PASK: variants seen among roughly 807,000 people sequenced by gnomAD.
PASK encodes the protein PAS domain-containing serine/threonine-protein kinase.
Under a neutral mutation model 121.0 loss-of-function variants are expected in PASK, and 110 were observed. The ratio of observed to expected loss-of-function variants is 0.91; its 90% CI spans 0.78 to 1.06. PASK has a LOEUF of 1.06. Ranked by LOEUF, PASK falls within the 50% of genes least tolerant of loss-of-function variation. The pLI is 0.00. For synonymous variants in PASK, 686 were observed against 717.8 expected (o/e 0.96, Z 0.71); for missense variants, 1,643 against 1,702.3 (o/e 0.97, Z 0.61).
At position 241,111,702 on chromosome 2, in the gene PASK, C is replaced by T. The variant is rs148336313; in HGVS notation, c.3533+538G>A. ...GCAAACTCAGCCACACACCCAAGGA[C>T]GCCGCTTCTCCCCACAGCAGAGCAG... On this transcript the variant is annotated intron_variant, in intron 15 of 17. Coordinates refer to ENST00000234040, the MANE Select transcript of PASK (RefSeq NM_015148.4). Among the ~76,000 whole-genome samples the T allele has an allele frequency of 1.5e-4, 23 of 152,154 alleles. No individual in the cohort carries two copies. The East Asian group carries it at 3.3e-3, about 22-fold the overall frequency.
chr2:241,149,888 G>C, upstream of PASK: 3 of 1,443,446 alleles, frequency 2.1e-6, no homozygotes, highest in Non-Finnish European at 2.7e-6. Flanking sequence ...GCTGGCTAGC[G>C]GCCCCACCAG....
At chr2:241,131,253 A>C (rs1330821017) in intron 9 of PASK, among the ~76,000 whole-genome samples, 1 of 150,482 alleles carries the variant, frequency 6.6e-6, no homozygotes, top group Admixed American at 6.6e-5. Context: ...GGTTCACACC[A>C]TTCTCCTGCC....
In PASK at chr2:241,110,309, G is replaced by A. The variant is rs534540138; in HGVS notation, c.3533+1931C>T. Among the ~76,000 whole-genome samples, 193 of 152,330 alleles carry A rather than the reference G, an allele frequency of 1.3e-3. 3 individuals carry two copies. The South Asian group carries it at 0.037, about 29-fold the overall frequency. On this transcript the variant is annotated intron_variant, in intron 15 of 17. Coordinates refer to ENST00000234040, the MANE Select transcript of PASK (RefSeq NM_015148.4). The stretch of plus-strand genomic sequence containing the variant: ...TGCCAGGGCCTGAGGAAGGGGAAGA[G>A]GGACCTAAGGCCACAGTCTGCCGAC...
chr2:241,107,508 A>G lies in PASK; in HGVS notation c.3668-9T>C. 6.2e-7 allele frequency: 1 copy of G among 1,613,418 alleles called. No individual in the cohort carries two copies. On this transcript the variant is annotated splice_polypyrimidine_tract_variant and intron_variant, in intron 16 of 17. Coordinates refer to ENST00000234040, the MANE Select transcript of PASK (RefSeq NM_015148.4). ...CACAAGGCTCATGAGTTCTGGGGAC[A>G]CAAAGAACACAGATGGTAGGTCCAG...
At position 241,140,768 on chromosome 2, in the gene PASK, G is replaced by A. The variant is rs1270212476; in HGVS notation, c.197-15C>T. On this transcript the variant is annotated splice_polypyrimidine_tract_variant and intron_variant, in intron 2 of 17. Transcript: ENST00000234040. Reference sequence around the variant, plus strand: ...CCATCTGTCTTCTGAAAAGAGAAGCGAAGCGAAGCTTTAGACTTCACACAG... The same window carrying A: ...CCATCTGTCTTCTGAAAAGAGAAGCAAAGCGAAGCTTTAGACTTCACACAG... 2.2e-5 allele frequency: 34 copies of A among 1,558,088 alleles called. No homozygotes were observed. The highest frequency in any genetic ancestry group is 3.3e-5 in the South Asian group (3 of 89,802).
At chr2:241,130,123 A>G (rs1050818462) in intron 9 of PASK, among the ~76,000 whole-genome samples, 1 of 152,212 alleles carries the variant, frequency 6.6e-6, no homozygotes, top group African/African-American at 2.4e-5. Context: ...GTTCTGTCTT[A>G]CTGTTTCAGC....
At chr2:241,139,772 G>A (rs2066615289) in intron 4 of PASK, 113 bp downstream of exon 4, 1 of 988,908 alleles carries the variant, frequency 1.0e-6, no homozygotes, top group Non-Finnish European at 1.6e-6. Flanking sequence ...AAGCTGAGAT[G>A]TCCTGGTGCC....
At position 241,127,379 on chromosome 2, in the gene PASK, A is replaced by G. The variant is rs772122835; in HGVS notation, c.1536T>C (p.Thr512=). ...CCACAGGTTCCTCTCTCCCCAAGGC[A>G]GTGATTTGCTGGTCCTTGGGCAGCG... The part of the protein sequence containing the change: ...EQALPKDQQI[T]ALGREEPVAI... The change falls in exon 10 of 18, where the codon ACT becomes ACC. Residue 512 remains threonine (T), a synonymous_variant. Coordinates refer to ENST00000234040, the MANE Select transcript of PASK (RefSeq NM_015148.4). The G allele has an allele frequency of 6.2e-6, 10 of 1,614,058 alleles. No homozygotes were observed. Among genetic ancestry groups the G allele is most frequent in the Admixed American group, 1.7e-5 (1 of 60,020 alleles).
In PASK at chr2:241,142,953, T is replaced by C. The variant is rs1403487526; in HGVS notation, c.80A>G (p.Glu27Gly). The change falls in exon 2 of 18, where the codon GAG becomes GGG. Residue 27 changes from glutamate to glycine, a missense_variant. Transcript: ENST00000234040. Reference sequence around the variant, plus strand: ...AGCAGTGGTCTGTGCAGCTGGGCCCTCTGCTGACACTGGCAAGGGGAGGCT... The same window carrying C: ...AGCAGTGGTCTGTGCAGCTGGGCCCCCTGCTGACACTGGCAAGGGGAGGCT... ...SQSLPLPVSAEGPAAQTTAEP... is the reference protein window; with the variant it reads ...SQSLPLPVSAGGPAAQTTAEP... 1 of 1,613,338 alleles carries C rather than the reference T, an allele frequency of 6.2e-7. No homozygotes were observed. Among genetic ancestry groups the C allele is most frequent in the Non-Finnish European group, 8.5e-7 (1 of 1,179,430 alleles).
At position 241,135,992 on chromosome 2, in the gene PASK, C is replaced by T. The variant is rs752960244; in HGVS notation, c.1185G>A (p.Ala395=). 33 of 1,613,826 alleles carry T rather than the reference C, an allele frequency of 2.0e-5. No individual in the cohort carries two copies. The highest frequency in any genetic ancestry group is 2.5e-5 in the Non-Finnish European group (30 of 1,179,802). Residue 395 remains alanine (A), a synonymous_variant, in exon 8 of 18, where the codon GCG becomes GCA. Transcript: ENST00000234040. The part of the protein sequence containing the change: ...IPGFYSYMDL[A]YNSSLQLPDL... ...CTGGGAGCTGTAATGAGCTGTTGTA[C>T]GCAAGGTCCATGTAGCTGTAGAAAC...
chr2:241,149,865 C>A, upstream of PASK: 1 of 1,454,428 alleles, frequency 6.9e-7, no homozygotes, highest in Non-Finnish European at 9.0e-7. Context: ...AGCTGGCGCC[C>A]CGGAGCCAGC....
intron 12 of PASK, among the ~76,000 whole-genome samples, chr2:241,118,067 G>C (rs1458768630): frequency 6.6e-6 from 1 of 152,150 alleles, no homozygotes; most frequent in Non-Finnish European, 1.5e-5. Context: ...ATATTGTTAA[G>C]ATGACAATAC....
intron 12 of PASK, among the ~76,000 whole-genome samples, chr2:241,121,911 A>C (rs4675996): frequency 6.6e-6 from 1 of 152,238 alleles, no homozygotes. Context: ...AACATAATAC[A>C]AGCATCAACA....
At chr2:241,144,768 C>T (rs2066873940) in intron 1 of PASK, among the ~76,000 whole-genome samples, 1 of 152,192 alleles carries the variant, frequency 6.6e-6, no homozygotes, top group Non-Finnish European at 1.5e-5. Flanking sequence ...ACCACCTCTT[C>T]CAATATGGAA....
intron 15 of PASK, among the ~76,000 whole-genome samples, chr2:241,110,024 G>A (rs1324023370): frequency 6.6e-6 from 1 of 152,166 alleles, no homozygotes; most frequent in Non-Finnish European, 1.5e-5. Flanking sequence ...GCAGCATCAC[G>A]AACAACATAA....
chr2:241,146,467 C>A (rs1169748263), intron 1 of PASK, among the ~76,000 whole-genome samples: 10 of 151,620 alleles, frequency 6.6e-5, no homozygotes, highest in Admixed American at 4.6e-4. Flanking sequence ...GGAGGGAGTG[C>A]GGGAGAGAGG....
chr2:241,138,172 A>C lies in PASK; in HGVS notation c.742-85T>G, dbSNP rs181196724. ...CTAAGCTTCAATATGTTCAAGCCAA[A>C]AGCAAGACCCCAACATGACTTCTCC... On this transcript the variant is annotated intron_variant, in intron 5 of 17. Transcript: ENST00000234040. The C allele has an allele frequency of 2.8e-6, 4 of 1,419,604 alleles. No homozygotes were observed. In the East Asian group the frequency reaches 9.5e-5, roughly 34 times the overall value. The allele number at this position is 1,419,604 out of a possible 1,614,324, so 87.9% of individuals were successfully genotyped here. A position where few individuals can be genotyped will look rare whatever the true frequency, so the allele number is the denominator to read the frequency against.
In PASK at chr2:241,144,456, T is replaced by G. The variant is rs571744797; in HGVS notation, c.-42-1382A>C. On this transcript the variant is annotated intron_variant, in intron 1 of 17. Transcript: ENST00000234040. Reference sequence around the variant, plus strand: ...CATGGCTGGAGTTTCCCCCACGAAATGAGGAGACCCTGGGGCCAAGGCAAG... The same window carrying G: ...CATGGCTGGAGTTTCCCCCACGAAAGGAGGAGACCCTGGGGCCAAGGCAAG... 3.9e-5 allele frequency among the ~76,000 whole-genome samples: 6 copies of G among 152,154 alleles called. No homozygotes were observed. The East Asian group carries it at 1.2e-3, about 29-fold the overall frequency.
In PASK at chr2:241,107,390, G is replaced by A; in HGVS notation, c.3777C>T (p.Asp1259=). ...CTCGAAACACCTCTTCCCATGTATA[G>A]TCAGCAAGATTCACAGGCTGTGTTA... The part of the protein sequence containing the change: ...PWVTQPVNLA[D]YTWEEVFRVN... Residue 1259 remains aspartate, a synonymous_variant, in exon 17 of 18, where the codon GAC becomes GAT. Transcript: ENST00000234040. 1 of 1,613,972 alleles carries A rather than the reference G, an allele frequency of 6.2e-7. No individual in the cohort carries two copies. The highest frequency in any genetic ancestry group is 2.2e-5 in the East Asian group (1 of 44,874).
Sources: allele counts gnomAD v4.1 joint callset (sites outside exome capture counted in the v4.1 genomes callset), GRCh38; gene constraint gnomAD v4.1.1; transcripts MANE v1.5; gene names NCBI Gene and HGNC (gene_info 2026-07-23, HGNC 2026-07-21).